NHSL2: variants seen among roughly 807,000 people sequenced by gnomAD.
The protein encoded by NHSL2 is NHS like 2, also known as NHS-like protein 2.
In NHSL2, 27 loss-of-function variants were observed where a neutral mutation model predicts 53.4. The observed-to-expected ratio is 0.51, with a 90% confidence interval of 0.37 to 0.70. NHSL2 has a LOEUF of 0.70. Ranked by LOEUF, NHSL2 falls within the 30% of genes least tolerant of loss-of-function variation. The pLI is 0.00. For missense variants in NHSL2, 892 were observed against 980.1 expected (o/e 0.91, Z 1.20); for synonymous variants, 408 against 404.1 (o/e 1.01, Z -0.12).
intron 1 of NHSL2, among the ~76,000 whole-genome samples, chrX:72,124,320 C>T (rs1015761703): frequency 9.0e-6 from 1 of 111,378 alleles, no homozygotes; most frequent in Admixed American, 9.4e-5. Context: ...AAATGGGTGT[C>T]ACCTGCTGTC....
At chrX:72,090,830 AAGAT>A (rs72148160) in intron 1 of NHSL2, among the ~76,000 whole-genome samples, 5,259 of 104,549 alleles carry the variant, frequency 0.05, 344 homozygotes, top group African/African-American at 0.18. Context: ...GTGGGGAAGA[AAGAT>A]AGAGAAAGAT....
chrX:72,115,431 CGG>C (rs11336322), intron 1 of NHSL2, among the ~76,000 whole-genome samples: 2 of 15,992 alleles, frequency 1.3e-4, no homozygotes, highest in African/African-American at 3.7e-4. Context: ...TTGGTGGGGG[CGG>C]GGGGGGGGTG....
At chrX:72,050,961 A>G (rs2042337231) in intron 1 of NHSL2, among the ~76,000 whole-genome samples, 1 of 110,880 alleles carries the variant, frequency 9.0e-6, no homozygotes, top group African/African-American at 3.3e-5. Context: ...ACGTCCCTGC[A>G]TTCTCCTCCT....
chrX:71,931,572 T>C (rs73634893), intron 1 of NHSL2, among the ~76,000 whole-genome samples: 207 of 112,592 alleles, frequency 1.8e-3, no homozygotes, highest in African/African-American at 6.4e-3. Flanking sequence ...CTTCATTCTT[T>C]GCATGTTCTT....
chrX:71,971,933 T>C (rs537314487), intron 1 of NHSL2, among the ~76,000 whole-genome samples: 1 of 111,917 alleles, frequency 8.9e-6, no homozygotes, highest in Non-Finnish European at 1.9e-5. Flanking sequence ...AAAAAATTGC[T>C]ATCTAATGTC....
chrX:72,129,476 C>A, intron 1 of NHSL2: 1 of 199,573 alleles, frequency 5.0e-6, no homozygotes, highest in East Asian at 9.5e-5. Context: ...GGTGAAGAAA[C>A]GCAGGAGAGG....
intron 1 of NHSL2, among the ~76,000 whole-genome samples, chrX:71,938,867 T>C (rs1374705879): frequency 8.9e-6 from 1 of 112,794 alleles, no homozygotes; most frequent in African/African-American, 3.2e-5. Context: ...ACTGAGTGTA[T>C]GGCTTGGAGA....
chrX:72,104,731 A>T (rs1222443103), intron 1 of NHSL2, among the ~76,000 whole-genome samples: 5 of 111,408 alleles, frequency 4.5e-5, no homozygotes, highest in Non-Finnish European at 9.4e-5. Context: ...CCAGGTGAAG[A>T]TGTCCACCAG....
At chrX:72,110,587 C>T (rs961291225) in intron 1 of NHSL2, among the ~76,000 whole-genome samples, 2 of 109,546 alleles carry the variant, frequency 1.8e-5, no homozygotes, top group African/African-American at 6.7e-5. Context: ...AAACCCAACC[C>T]CAGCCCCGGG....
chrX:71,949,261 A>C (rs7065709), intron 1 of NHSL2, among the ~76,000 whole-genome samples: 12,798 of 110,805 alleles, frequency 0.12, 970 homozygotes, highest in African/African-American at 0.25. Context: ...GAAAAGTAGC[A>C]TAGAGGGGCT....
intron 1 of NHSL2, among the ~76,000 whole-genome samples, chrX:72,000,076 A>G (rs1269371486): frequency 2.7e-5 from 3 of 112,108 alleles, no homozygotes; most frequent in African/African-American, 9.7e-5. Flanking sequence ...TAATAAACCT[A>G]TGTATGTATG....
At chrX:72,138,259 T>C (rs1176964750) in intron 5 of NHSL2, among the ~76,000 whole-genome samples, 182 bp from the exon 6 acceptor site, 1 of 112,393 alleles carries the variant, frequency 8.9e-6, no homozygotes, top group Admixed American at 9.4e-5. Flanking sequence ...TATGTCTCAC[T>C]GTGGGGTGAT....
At chrX:72,113,697 G>A (rs904586858) in intron 1 of NHSL2, among the ~76,000 whole-genome samples, 1 of 112,351 alleles carries the variant, frequency 8.9e-6, no homozygotes, top group African/African-American at 3.2e-5. Context: ...GACATCAACA[G>A]GCTGGTTTCG....
intron 1 of NHSL2, among the ~76,000 whole-genome samples, chrX:72,007,481 C>G (rs1438467779): frequency 8.9e-6 from 1 of 112,566 alleles, no homozygotes; most frequent in Non-Finnish European, 1.9e-5. Flanking sequence ...TCAGAGAGTT[C>G]TTCTTAAGGG....
At chrX:71,933,612 T>C (rs1269019046) in intron 1 of NHSL2, among the ~76,000 whole-genome samples, 1 of 111,863 alleles carries the variant, frequency 8.9e-6, no homozygotes, top group East Asian at 2.8e-4. Flanking sequence ...GGCAAGTTGC[T>C]CAGTGTCTCT....
At chrX:72,116,556 A>G (rs774066336) in intron 1 of NHSL2, among the ~76,000 whole-genome samples, 1 of 112,209 alleles carries the variant, frequency 8.9e-6, no homozygotes, top group Non-Finnish European at 1.9e-5. Context: ...TAAGCAATGG[A>G]CAGAGTTGAA....
chrX:71,952,145 G>T (rs190104390), intron 1 of NHSL2, among the ~76,000 whole-genome samples: 1 of 112,363 alleles, frequency 8.9e-6, no homozygotes, highest in East Asian at 2.8e-4. Context: ...TTAGAAACTT[G>T]CCTATTCTCC....
At chrX:72,087,347 G>T (rs1569478921) in intron 1 of NHSL2, among the ~76,000 whole-genome samples, 1 of 112,118 alleles carries the variant, frequency 8.9e-6, no homozygotes, top group Non-Finnish European at 1.9e-5. Flanking sequence ...AGTTACCAGG[G>T]CCTAGGAGAG....
intron 1 of NHSL2, chrX:72,127,053 T>C (rs9887150): frequency 0.58 from 64,497 of 110,334 alleles, 16,115 homozygotes; most frequent in Non-Finnish European, 0.79. Flanking sequence ...ACCTTGGAAG[T>C]ACCCTATGCC....
Sources: gnomAD v4.1 joint callset for allele counts (sites outside exome capture counted in the v4.1 genomes callset) on GRCh38, gnomAD v4.1.1 for gene constraint, MANE v1.5 for transcripts, NCBI Gene and HGNC (gene_info 2026-07-23, HGNC 2026-07-21) for gene names.